Variants in LRRC8B observed in about 807,000 individuals in gnomAD.
LRRC8B encodes the protein leucine rich repeat containing 8 VRAC subunit B, also known as volume-regulated anion channel subunit LRRC8B.
Under a neutral mutation model 58.8 loss-of-function variants are expected in LRRC8B, and 23 were observed. The observed-to-expected ratio is 0.39, with a 90% CI of 0.28 to 0.55. The LOEUF (loss-of-function observed/expected upper bound fraction) is 0.55, where lower values mean the gene tolerates loss of function less well. Among genes scored for constraint, LRRC8B ranks in the 20% least tolerant of loss-of-function variants. The probability of loss-of-function intolerance (pLI) is 0.62; values close to 1 mark genes in which losing one functional copy is unlikely to be tolerated. For synonymous variants in LRRC8B, 359 were observed against 374.1 expected, an observed-to-expected ratio of 0.96 and a Z score of 0.47; for missense variants, 694 against 936.0, an observed-to-expected ratio of 0.74 and a Z score of 3.37.
intron 4 of LRRC8B, among the ~76,000 whole-genome samples, chr1:89,580,168 C>T (rs1654117146): frequency 6.6e-6 from 1 of 152,218 alleles, no homozygotes; most frequent in South Asian, 2.1e-4. Context: ...AATTCTCGGG[C>T]TCACCTAGTC....
chr1:89,548,460 A>G (rs1035902428), intron 1 of LRRC8B, among the ~76,000 whole-genome samples: 8 of 152,224 alleles, frequency 5.3e-5, no homozygotes, highest in Non-Finnish European at 1.2e-4. Context: ...GAGGACAGAG[A>G]AGGACAATCA....
intron 5 of LRRC8B, 36 bp downstream of exon 5, chr1:89,584,825 G>T: frequency 7.1e-7 from 1 of 1,416,656 alleles, no homozygotes; most frequent in Non-Finnish European, 9.7e-7. Context: ...TTCAGTATCT[G>T]CCGTACTTAT....
At chr1:89,558,435 T>G (rs1652353927) in intron 1 of LRRC8B, among the ~76,000 whole-genome samples, 1 of 152,034 alleles carries the variant, frequency 6.6e-6, no homozygotes, top group South Asian at 2.1e-4. Flanking sequence ...GTGACATGTT[T>G]TAGAAAGAGC....
At chr1:89,589,968 A>G (rs146673389) in intron 5 of LRRC8B, among the ~76,000 whole-genome samples, 2 of 151,980 alleles carry the variant, frequency 1.3e-5, no homozygotes, top group East Asian at 4.0e-4. Context: ...GAGATAATAT[A>G]GCCATTAGTT....
intron 1 of LRRC8B, among the ~76,000 whole-genome samples, chr1:89,552,177 T>G (rs932386938): frequency 6.6e-6 from 1 of 152,172 alleles, no homozygotes; most frequent in Non-Finnish European, 1.5e-5. Flanking sequence ...TGCTAGGACA[T>G]TTTCATAAGA....
At chr1:89,570,254 G>C (rs1221794885) in intron 3 of LRRC8B, among the ~76,000 whole-genome samples, 1 of 152,188 alleles carries the variant, frequency 6.6e-6, no homozygotes, top group East Asian at 1.9e-4. Flanking sequence ...CGATGGCTGG[G>C]TTGAATGGCG....
intron 1 of LRRC8B, among the ~76,000 whole-genome samples, chr1:89,548,997 AAGTGAGATAATCACAG>A (rs1651614433): frequency 6.6e-6 from 1 of 152,194 alleles, no homozygotes; most frequent in African/African-American, 2.4e-5. Flanking sequence ...TAAGTTCCTG[AAGTGAGATAATCACAG>A]ACTTGTGATT....
intron 3 of LRRC8B, among the ~76,000 whole-genome samples, chr1:89,573,384 T>C (rs1653611547): frequency 6.6e-6 from 1 of 152,110 alleles, no homozygotes; most frequent in Admixed American, 6.5e-5. Context: ...TCAGTAACTT[T>C]TTTATTTAAT....
intron 1 of LRRC8B, among the ~76,000 whole-genome samples, chr1:89,557,455 A>G (rs758024189): frequency 2.9e-4 from 44 of 152,212 alleles, no homozygotes; most frequent in Admixed American, 1.8e-3. Context: ...TGCTACTGCA[A>G]TGATTTCAGA....
rs766980758 is a variant in LRRC8B at position 89,583,656 on chromosome 1, T to C, written c.1006T>C (p.Trp336Arg). 6.2e-7 allele frequency: 1 copy of C among 1,613,760 alleles called. No individual in the cohort carries two copies. The highest frequency in any genetic ancestry group is 8.5e-7 in the Non-Finnish European group (1 of 1,180,022). ...YGLTSSYSLW[W>R]MLRSSLKQYS... Reference sequence around the variant, plus strand: ...TCTGACCTCTTCCTACAGCCTGTGGTGGATGCTGAGGAGTTCCCTGAAGCA... The same window carrying C: ...TCTGACCTCTTCCTACAGCCTGTGGCGGATGCTGAGGAGTTCCCTGAAGCA... Residue 336 changes from tryptophan to arginine, a missense_variant, in exon 5 of 6, where the codon TGG (tryptophan) becomes CGG (arginine). Trp to Arg is a moderately radical substitution (Grantham distance 101, BLOSUM62 -3). Coordinates refer to ENST00000330947, the MANE Select transcript of LRRC8B (RefSeq NM_001369817.2). This position sits in a 1 kb window ranked among gnomAD's most constrained non-coding sequence, Gnocchi z 5.2.
At chr1:89,525,548 A>G (rs951003580) in intron 1 of LRRC8B, among the ~76,000 whole-genome samples, 4 of 152,230 alleles carry the variant, frequency 2.6e-5, no homozygotes, top group African/African-American at 9.6e-5. Flanking sequence ...TTGGTTGCCT[A>G]TAATTTGGTG....
At chr1:89,551,485 C>G (rs1030292371) in intron 1 of LRRC8B, among the ~76,000 whole-genome samples, 2 of 151,952 alleles carry the variant, frequency 1.3e-5, no homozygotes, top group African/African-American at 4.8e-5. Context: ...TCATTTTTTT[C>G]CTGTTCACTT....
intron 3 of LRRC8B, among the ~76,000 whole-genome samples, chr1:89,571,454 T>A (rs1653468990): frequency 6.6e-6 from 1 of 152,174 alleles, no homozygotes; most frequent in South Asian, 2.1e-4. Flanking sequence ...ATTCTTTTTG[T>A]GCCAGTTGTA....
At chr1:89,571,369 T>A (rs1037777063) in intron 3 of LRRC8B, among the ~76,000 whole-genome samples, 17 of 152,210 alleles carry the variant, frequency 1.1e-4, no homozygotes, top group African/African-American at 4.1e-4. Context: ...TTTTTCCATT[T>A]CTTTTGTGTC....
Position 89,582,871 on chromosome 1 carries a change from A to G in LRRC8B, c.221A>G (p.Lys74Arg). ...NHCAVPWDIL[K>R]ASMNTSSNPG... ...TGTGCCGTGCCTTGGGACATCCTGAAAGCCAGCATGAACACATCCTCTAAT... is the reference window on the plus strand; with the variant it reads ...TGTGCCGTGCCTTGGGACATCCTGAGAGCCAGCATGAACACATCCTCTAAT... The change falls in exon 5 of 6, where the codon AAA (lysine) becomes AGA (arginine). Residue 74 changes from lysine (K) to arginine (R), a missense_variant. This residue lies in a region of LRRC8B where 316 missense variants were observed against 403.8 expected (regional missense o/e 0.78). Transcript: ENST00000330947. The G allele has an allele frequency of 6.2e-7, 1 of 1,614,116 alleles. No homozygotes were observed. The highest frequency in any genetic ancestry group is 1.1e-5 in the South Asian group (1 of 91,076).
intron 1 of LRRC8B, among the ~76,000 whole-genome samples, chr1:89,567,192 G>A (rs1012370756): frequency 6.6e-6 from 1 of 152,152 alleles, no homozygotes; most frequent in South Asian, 2.1e-4. Flanking sequence ...ATTCTAAGAA[G>A]CATTGTCATT....
chr1:89,584,108 G>T lies in LRRC8B; in HGVS notation c.1458G>T (p.Glu486Asp). Residue 486 changes from glutamate to aspartate, a missense_variant, in exon 5 of 6, where the codon GAG (glutamate) becomes GAT (aspartate). By Grantham distance (45) the Glu-to-Asp change is conservative. Transcript: ENST00000330947. ...ACCATCCTGCACTGGCCTTTCTAGA[G>T]GAGAATTTAAAAATCCTCCGCCTGA... ...VVDHPALAFL[E>D]ENLKILRLKF... 1 of 1,613,730 alleles carries T rather than the reference G, an allele frequency of 6.2e-7. No individual in the cohort carries two copies.
chr1:89,592,059 A>G (rs1381330894), intron 5 of LRRC8B, among the ~76,000 whole-genome samples: 5 of 152,066 alleles, frequency 3.3e-5, no homozygotes, highest in Admixed American at 6.6e-5. Context: ...TTGACATGCA[A>G]CCTATCTACC....
intron 1 of LRRC8B, among the ~76,000 whole-genome samples, chr1:89,554,900 G>A (rs919312650): frequency 2.0e-5 from 3 of 152,130 alleles, no homozygotes; most frequent in South Asian, 2.1e-4. Flanking sequence ...CATCTGCTGT[G>A]TATAAAGGAG....
Sources: gnomAD v4.1 joint callset for allele counts (sites outside exome capture counted in the v4.1 genomes callset) on GRCh38, gnomAD v4.1.1 for gene constraint, gnomAD v4.1.1 regional missense constraint, Gnocchi (gnomAD v3.1) non-coding constraint, MANE v1.5 for transcripts, NCBI Gene and HGNC (gene_info 2026-07-23, HGNC 2026-07-21) for gene names.